CPQ: variants seen among roughly 807,000 people sequenced by gnomAD.
CPQ encodes Ser-Met dipeptidase.
Under a neutral mutation model 45.7 loss-of-function variants are expected in CPQ, and 37 were observed. That is an observed-to-expected ratio of 0.81 (90% CI 0.62 to 1.07). The LOEUF (loss-of-function observed/expected upper bound fraction) is 1.07, where lower values mean the gene tolerates loss of function less well. Among genes scored for constraint, CPQ ranks in the 50% least tolerant of loss-of-function variants. The probability of loss-of-function intolerance (pLI) is 0.00; values close to 1 mark genes in which losing one functional copy is unlikely to be tolerated. For synonymous variants in CPQ, 186 were observed against 205.8 expected, an observed-to-expected ratio of 0.90 and a Z score of 0.82; for missense variants, 537 against 572.9, an observed-to-expected ratio of 0.94 and a Z score of 0.64.
chr8:96,697,010 G>T (rs910862143), intron 1 of CPQ, among the ~76,000 whole-genome samples: 16 of 152,024 alleles, frequency 1.1e-4, no homozygotes, highest in Non-Finnish European at 1.9e-4. Flanking sequence ...TTCCAAACTG[G>T]CCTTCTATGA....
chr8:97,010,169 C>T (rs1254611677), intron 5 of CPQ, among the ~76,000 whole-genome samples: 1 of 152,184 alleles, frequency 6.6e-6, no homozygotes, highest in Non-Finnish European at 1.5e-5. Context: ...TCAGTTACTT[C>T]CAGATTGTTA....
intron 6 of CPQ, among the ~76,000 whole-genome samples, chr8:97,053,603 A>G (rs1302540134): frequency 6.6e-6 from 1 of 152,192 alleles, no homozygotes; most frequent in Non-Finnish European, 1.5e-5. Flanking sequence ...CAGTGAAAGG[A>G]AAGCAGTAGG....
At chr8:96,851,705 G>C (rs114627208) in intron 3 of CPQ, among the ~76,000 whole-genome samples, 3,217 of 152,190 alleles carry the variant, frequency 0.021, 120 homozygotes, top group African/African-American at 0.073. Flanking sequence ...TATTTTGGAG[G>C]GGACACTTTC....
chr8:96,906,639 C>T (rs1812581174), intron 4 of CPQ, among the ~76,000 whole-genome samples: 1 of 152,158 alleles, frequency 6.6e-6, no homozygotes. Context: ...AGCTAGCTGA[C>T]TCAGTGTCTG....
intron 4 of CPQ, among the ~76,000 whole-genome samples, chr8:96,909,961 C>G (rs368582992): frequency 6.6e-6 from 1 of 152,108 alleles, no homozygotes; most frequent in Non-Finnish European, 1.5e-5. Flanking sequence ...GTGTAGTGCT[C>G]GACCAGGTTG....
chr8:96,695,020 C>T (rs1304682221), intron 1 of CPQ, among the ~76,000 whole-genome samples: 1 of 151,768 alleles, frequency 6.6e-6, no homozygotes, highest in East Asian at 1.9e-4. Context: ...GGAGGCATCA[C>T]ACTACCTGAC....
At chr8:96,826,998 A>G (rs1427587898) in intron 2 of CPQ, among the ~76,000 whole-genome samples, 2 of 152,004 alleles carry the variant, frequency 1.3e-5, no homozygotes, top group Non-Finnish European at 2.9e-5. Flanking sequence ...CACGGTGTAT[A>G]TGTACCACAT....
At chr8:97,089,185 G>C (rs1230969317) in intron 7 of CPQ, among the ~76,000 whole-genome samples, 1 of 149,618 alleles carries the variant, frequency 6.7e-6, no homozygotes, top group Non-Finnish European at 1.5e-5. Flanking sequence ...GGAGGTTGTG[G>C]TGAGCCGAGA....
intron 3 of CPQ, among the ~76,000 whole-genome samples, chr8:96,851,155 T>A (rs561145839): frequency 1.3e-5 from 2 of 152,292 alleles, no homozygotes; most frequent in Admixed American, 6.5e-5. Flanking sequence ...ATTTTACACC[T>A]GAGTAACTTG....
intron 5 of CPQ, among the ~76,000 whole-genome samples, chr8:96,987,481 A>G (rs1313927087): frequency 6.6e-6 from 1 of 152,210 alleles, no homozygotes; most frequent in East Asian, 1.9e-4. Context: ...AACACAGCCA[A>G]GTAGAAGCAG....
At chr8:96,804,325 G>A (rs998756142) in intron 2 of CPQ, among the ~76,000 whole-genome samples, 1 of 152,168 alleles carries the variant, frequency 6.6e-6, no homozygotes, top group Non-Finnish European at 1.5e-5. Context: ...AGTGAGGAAA[G>A]AAGGGGAGGG....
intron 6 of CPQ, among the ~76,000 whole-genome samples, chr8:97,047,055 T>C (rs1185908186): frequency 6.6e-6 from 1 of 152,102 alleles, no homozygotes; most frequent in Non-Finnish European, 1.5e-5. Flanking sequence ...CCCAAACAAA[T>C]ATGTAACAAG....
chr8:96,797,404 C>CT (rs1372118782), intron 2 of CPQ, among the ~76,000 whole-genome samples: 1 of 152,120 alleles, frequency 6.6e-6, no homozygotes, highest in African/African-American at 2.4e-5. Flanking sequence ...ATGATATGGA[C>CT]TTTTTTGCAT....
Position 97,143,307 on chromosome 8 carries a change from C to A in CPQ, c.*124C>A. ...CTTCAAAGCACAACTCTATTTCATG[C>A]TTTCTGTTATTATCTTTCTTGATAC... On this transcript the variant is annotated 3_prime_UTR_variant, in exon 8 of 8. Coordinates refer to ENST00000220763, the MANE Select transcript of CPQ (RefSeq NM_016134.4). 1.1e-6 allele frequency: 1 copy of A among 888,040 alleles called. No individual in the cohort carries two copies. Among genetic ancestry groups the A allele is most frequent in the East Asian group, 2.6e-5 (1 of 38,864 alleles). 55.0% of individuals were successfully genotyped at this position (888,040 alleles called of 1,614,324 possible). A position where few individuals can be genotyped will look rare whatever the true frequency, so the allele number is the denominator to read the frequency against.
At chr8:96,965,235 T>C (rs1813535022) in intron 4 of CPQ, among the ~76,000 whole-genome samples, 1 of 151,650 alleles carries the variant, frequency 6.6e-6, no homozygotes, top group Admixed American at 6.5e-5. Flanking sequence ...ATTCAACACA[T>C]GTTTATTACG....
chr8:96,663,065 A>G (rs992150536), intron 1 of CPQ, among the ~76,000 whole-genome samples: 3 of 152,188 alleles, frequency 2.0e-5, no homozygotes, highest in Non-Finnish European at 4.4e-5. Flanking sequence ...TTCCAAACCC[A>G]TTTCTGAACC....
intron 1 of CPQ, among the ~76,000 whole-genome samples, chr8:96,667,451 C>A (rs1808941576): frequency 6.6e-6 from 1 of 151,392 alleles, no homozygotes; most frequent in Non-Finnish European, 1.5e-5. Flanking sequence ...CGGGTTCAAG[C>A]AATTCTGCTG....
Position 97,022,978 on chromosome 8 carries a change from G to GTA in CPQ, c.962-6420_962-6419dup, listed in dbSNP as rs1231255519. On this transcript the variant is annotated intron_variant, in intron 5 of 7. Coordinates refer to ENST00000220763, the MANE Select transcript of CPQ (RefSeq NM_016134.4). The stretch of plus-strand genomic sequence containing the variant: ...AATTCCAAAAACATATATATATACT[G>GTA]TATATAGTATATATATACAGTATAT... Among the ~76,000 whole-genome samples, 23 of 45,130 alleles carry GTA rather than the reference G, an allele frequency of 5.1e-4. No homozygotes were observed. In the East Asian group the frequency reaches 9.5e-3, roughly 19 times the overall value. The allele number at this position is 45,130 out of a possible 152,430, so 29.6% of individuals were successfully genotyped here.
At chr8:96,835,314 C>T in intron 3 of CPQ, 134 bp downstream of exon 3, 3 of 602,270 alleles carry the variant, frequency 5.0e-6, no homozygotes, top group South Asian at 4.4e-5. Flanking sequence ...CAAACACACA[C>T]ACCCATTCCA....
Sources: gnomAD v4.1 joint callset for allele counts (sites outside exome capture counted in the v4.1 genomes callset) on GRCh38, gnomAD v4.1.1 for gene constraint, MANE v1.5 for transcripts, NCBI Gene and HGNC (gene_info 2026-07-23, HGNC 2026-07-21) for gene names.